The following STIMATE variants were observed in gnomAD, a reference collection of about 807,000 sequenced individuals.
STIMATE encodes store-operated calcium entry regulator STIMATE.
STIMATE carries 15 observed loss-of-function variants against 36.7 expected under a neutral mutation model. The ratio of observed to expected loss-of-function variants is 0.41; its 90% CI spans 0.27 to 0.63. The LOEUF is 0.63. Among genes scored for constraint, STIMATE ranks in the 20% least tolerant of loss-of-function variants. The pLI is 0.32. For synonymous variants in STIMATE, 163 were observed against 162.3 expected, an observed-to-expected ratio of 1.00 and a Z score of -0.03; for missense variants, 305 against 397.3, an observed-to-expected ratio of 0.77 and a Z score of 1.98.
chr3:52,870,004 G>A (rs137921345), intron 1 of STIMATE, among the ~76,000 whole-genome samples: 2 of 152,366 alleles, frequency 1.3e-5, no homozygotes, highest in East Asian at 3.9e-4. Flanking sequence ...ATGCTAGCAA[G>A]AAGCAGCAGC....
intron 1 of STIMATE, among the ~76,000 whole-genome samples, chr3:52,873,517 C>G (rs187115002): frequency 6.6e-6 from 1 of 152,262 alleles, no homozygotes; most frequent in East Asian, 1.9e-4. Flanking sequence ...TCCAGAACCA[C>G]CCAGGTTAAA....
chr3:52,848,163 A>T (rs1200674248), intron 4 of STIMATE: 1 of 152,654 alleles, frequency 6.6e-6, no homozygotes, highest in African/African-American at 2.4e-5. Flanking sequence ...TGATGGAAAT[A>T]GAAAACAACA....
At chr3:52,844,221 G>A (rs967915910) in intron 5 of STIMATE, among the ~76,000 whole-genome samples, 1 of 152,202 alleles carries the variant, frequency 6.6e-6, no homozygotes, top group South Asian at 2.1e-4. Flanking sequence ...AAAGACAACA[G>A]CACTGAAAAG....
intron 4 of STIMATE, 147 bp downstream of exon 4, chr3:52,849,645 C>G: frequency 7.2e-7 from 1 of 1,398,014 alleles, no homozygotes; most frequent in South Asian, 1.5e-5. Context: ...GTGCTCAAAC[C>G]CAGAACAGCC....
chr3:52,889,877 C>T (rs1183903438), intron 1 of STIMATE, among the ~76,000 whole-genome samples: 1 of 152,166 alleles, frequency 6.6e-6, no homozygotes, highest in Admixed American at 6.5e-5. Context: ...TAATTTAACG[C>T]ATCCTCTTTA....
chr3:52,896,250 T>C (rs1701862989), intron 1 of STIMATE, among the ~76,000 whole-genome samples: 1 of 152,176 alleles, frequency 6.6e-6, no homozygotes, highest in Admixed American at 6.5e-5. Flanking sequence ...CCCCAAAGCA[T>C]ACTTTCTGCA....
At chr3:52,853,255 A>ATAG (rs1386387219) in intron 2 of STIMATE, among the ~76,000 whole-genome samples, 1 of 152,226 alleles carries the variant, frequency 6.6e-6, no homozygotes, top group Non-Finnish European at 1.5e-5. Context: ...TGATGCAGTC[A>ATAG]TAGACACAGC....
At chr3:52,844,775 A>C (rs1471325506) in intron 5 of STIMATE, 54 bp downstream of exon 5, 2 of 1,594,614 alleles carry the variant, frequency 1.3e-6, no homozygotes, top group Admixed American at 1.7e-5. Context: ...GATGGGGAGG[A>C]AGTGCTGCTT....
intron 1 of STIMATE, among the ~76,000 whole-genome samples, chr3:52,861,361 C>G (rs1701212650): frequency 6.6e-6 from 1 of 152,200 alleles, no homozygotes; most frequent in African/African-American, 2.4e-5. Flanking sequence ...CAATTGTCCC[C>G]AAGCCACAGC....
intron 1 of STIMATE, among the ~76,000 whole-genome samples, chr3:52,864,372 C>T (rs1406763290): frequency 6.6e-6 from 1 of 152,226 alleles, no homozygotes; most frequent in Non-Finnish European, 1.5e-5. Flanking sequence ...CCCCTTTCAG[C>T]CATGGCTGGA....
chr3:52,880,059 C>A (rs763758397), intron 1 of STIMATE, among the ~76,000 whole-genome samples: 1 of 152,238 alleles, frequency 6.6e-6, no homozygotes, highest in Non-Finnish European at 1.5e-5. Context: ...AATCAGCATG[C>A]TCTGGCCCTG....
chr3:52,843,858 G>A (rs371893726), intron 5 of STIMATE, 60 bp from the exon 6 acceptor site: 20 of 1,604,512 alleles, frequency 1.2e-5, no homozygotes, highest in East Asian at 4.5e-5. Flanking sequence ...TGCCTGGGGT[G>A]GGTGGGTGGT....
chr3:52,851,507 G>T (rs1700997014), intron 3 of STIMATE, among the ~76,000 whole-genome samples: 1 of 152,252 alleles, frequency 6.6e-6, no homozygotes, highest in Non-Finnish European at 1.5e-5. Context: ...GGGTAGGTCA[G>T]CAGGAAAACC....
At position 52,840,300 on chromosome 3, in the gene STIMATE, C is replaced by A; in HGVS notation, c.*194G>T. 3.5e-6 allele frequency: 2 copies of A among 576,750 alleles called. No individual in the cohort carries two copies. The highest frequency in any genetic ancestry group is 5.9e-6 in the Non-Finnish European group (2 of 339,666). 35.7% of individuals were successfully genotyped at this position (576,750 alleles called of 1,614,324 possible). A position where few individuals can be genotyped will look rare whatever the true frequency, so the allele number is the denominator to read the frequency against. ...ATGGGGACCTCCAGCCGCCAGTGGCCCCCTCGGGCGCTGGCTCCTCTTCCC... is the reference window on the plus strand; with the variant it reads ...ATGGGGACCTCCAGCCGCCAGTGGCACCCTCGGGCGCTGGCTCCTCTTCCC... On this transcript the variant is annotated 3_prime_UTR_variant, in exon 8 of 8. Transcript: ENST00000355083.
rs915323566 is a variant in STIMATE, at chr3:52,895,984, C to T, written c.160+1307G>A. 19 of 1,285,594 alleles carry T rather than the reference C, an allele frequency of 1.5e-5. No homozygotes were observed. In the East Asian group the frequency reaches 8.3e-4, roughly 56 times the overall value. The allele number at this position is 1,285,594 out of a possible 1,614,324, so 79.6% of individuals were successfully genotyped here. A position where few individuals can be genotyped will look rare whatever the true frequency, so the allele number is the denominator to read the frequency against. ...TGGGAACAAGTGGGTATTTGTTTAG[C>T]AGAGAAAAAGCAAGGCAAGTTGGGA... On this transcript the variant is annotated intron_variant, in intron 1 of 7. Transcript: ENST00000355083.
chr3:52,842,034 T>C (rs762671201), intron 7 of STIMATE, among the ~76,000 whole-genome samples: 5 of 152,368 alleles, frequency 3.3e-5, no homozygotes, highest in South Asian at 4.1e-4. Context: ...AGGGCCCTCG[T>C]TGGGTTCTGC....
intron 1 of STIMATE, among the ~76,000 whole-genome samples, chr3:52,859,529 AAATTTTT>A (rs1701173206): frequency 9.3e-6 from 1 of 107,248 alleles, no homozygotes; most frequent in African/African-American, 3.4e-5. Flanking sequence ...AAAAAAAAAA[AAATTTTT>A]TTTTTTTTTT....
At chr3:52,850,650 G>A (rs1038534959) in intron 3 of STIMATE, among the ~76,000 whole-genome samples, 7 of 152,216 alleles carry the variant, frequency 4.6e-5, no homozygotes, top group South Asian at 4.1e-4. Context: ...ACAGCCTCTC[G>A]GGTTTCGCAG....
intron 1 of STIMATE, among the ~76,000 whole-genome samples, chr3:52,885,242 T>C (rs570412288): frequency 2.6e-5 from 4 of 152,360 alleles, no homozygotes; most frequent in Non-Finnish European, 4.4e-5. Context: ...TTCAGATCCT[T>C]TGCCAATTTT....
Sources: allele counts gnomAD v4.1 joint callset (sites outside exome capture counted in the v4.1 genomes callset), GRCh38; gene constraint gnomAD v4.1.1; transcripts MANE v1.5; gene names NCBI Gene and HGNC (gene_info 2026-07-23, HGNC 2026-07-21).